The following PACRG variants were observed in gnomAD, a reference collection of about 807,000 sequenced individuals.
The protein encoded by PACRG is parkin coregulated gene protein.
PACRG carries 29 observed loss-of-function variants against 29.7 expected under a neutral mutation model. The observed-to-expected ratio is 0.98, with a 90% confidence interval of 0.73 to 1.33. The LOEUF (loss-of-function observed/expected upper bound fraction) is 1.33, where lower values mean the gene tolerates loss of function less well. Among genes scored for constraint, PACRG ranks in the 40% most tolerant of loss-of-function variants. The pLI, the probability that PACRG is intolerant of heterozygous loss-of-function variation, is 0.00. For synonymous variants in PACRG, 116 were observed against 118.7 expected, an observed-to-expected ratio of 0.98 and a Z score of 0.15; for missense variants, 279 against 316.2, an observed-to-expected ratio of 0.88 and a Z score of 0.89.
chr6:162,746,308 A>C (rs1001415976), intron 1 of PACRG, among the ~76,000 whole-genome samples: 2 of 152,238 alleles, frequency 1.3e-5, no homozygotes, highest in Non-Finnish European at 2.9e-5. Flanking sequence ...TTTAAAATTG[A>C]GTAAAATGAC....
At chr6:162,765,545 G>A (rs538349892) in intron 1 of PACRG, among the ~76,000 whole-genome samples, 10 of 152,270 alleles carry the variant, frequency 6.6e-5, no homozygotes, top group Admixed American at 5.9e-4. Context: ...GAGAGTCAGA[G>A]CTTTCTTGAT....
At chr6:163,088,135 G>A (rs1389949576) in intron 3 of PACRG, among the ~76,000 whole-genome samples, 1 of 152,192 alleles carries the variant, frequency 6.6e-6, no homozygotes, top group East Asian at 1.9e-4. Flanking sequence ...ATGGAAATGT[G>A]AGCTGGAGTT....
intron 2 of PACRG, among the ~76,000 whole-genome samples, chr6:162,995,854 T>C (rs975059117): frequency 6.6e-6 from 1 of 152,238 alleles, no homozygotes; most frequent in African/African-American, 2.4e-5. Context: ...GACATTTAAA[T>C]TGTTTCCATA....
Position 163,172,525 on chromosome 6 carries a change from C to T in PACRG, c.613+83117C>T, listed in dbSNP as rs189868438. Among the ~76,000 whole-genome samples the T allele has an allele frequency of 2.0e-5, 3 of 152,306 alleles. No individual in the cohort carries two copies. The East Asian group carries it at 5.8e-4, about 29-fold the overall frequency. On this transcript the variant is annotated intron_variant, in intron 4 of 4. Transcript: ENST00000366888. ...GCATGCACGCACACATACATACAAC[C>T]TGAGGAGGAGTAAACACTTTTGTGG... is the stretch of plus-strand genomic sequence containing the variant.
chr6:162,804,251 C>G (rs910641342), intron 1 of PACRG, among the ~76,000 whole-genome samples: 1 of 152,138 alleles, frequency 6.6e-6, no homozygotes, highest in Non-Finnish European at 1.5e-5. Flanking sequence ...AACAAATAGA[C>G]AATTTGTAAC....
intron 4 of PACRG, among the ~76,000 whole-genome samples, chr6:163,167,936 T>C (rs1223737096): frequency 1.3e-5 from 2 of 152,238 alleles, no homozygotes; most frequent in East Asian, 3.8e-4. Context: ...ATCATTCAGA[T>C]TGTGGCAGCT....
chr6:162,783,057 C>A (rs570288092), intron 1 of PACRG, among the ~76,000 whole-genome samples: 14 of 151,852 alleles, frequency 9.2e-5, no homozygotes, highest in African/African-American at 3.1e-4. Context: ...TAACACAAAA[C>A]AAAAATCACT....
At chr6:163,309,643 T>C (rs1785331782) in intron 4 of PACRG, among the ~76,000 whole-genome samples, 1 of 152,222 alleles carries the variant, frequency 6.6e-6, no homozygotes, top group Non-Finnish European at 1.5e-5. Context: ...TCAGGTGGTT[T>C]TTAATGGAGT....
At chr6:163,300,241 C>T (rs896793909) in intron 4 of PACRG, among the ~76,000 whole-genome samples, 25 of 152,290 alleles carry the variant, frequency 1.6e-4, no homozygotes, top group African/African-American at 2.6e-4. Flanking sequence ...TCAGTTTACT[C>T]GGCGCTCTCA....
chr6:163,282,584 C>T (rs769873981), intron 4 of PACRG, among the ~76,000 whole-genome samples: 6 of 151,722 alleles, frequency 4.0e-5, no homozygotes, highest in African/African-American at 1.2e-4. Flanking sequence ...TGGTGGTGTG[C>T]GCCTGTAATC....
intron 1 of PACRG, among the ~76,000 whole-genome samples, chr6:162,729,700 G>A (rs1228841860): frequency 2.0e-5 from 3 of 151,386 alleles, no homozygotes; most frequent in African/African-American, 7.3e-5. Flanking sequence ...GTTTTTTAAT[G>A]TTATACTTTA....
chr6:163,112,225 GA>G (rs2128319991), intron 4 of PACRG: 1 of 180,062 alleles, frequency 5.6e-6, no homozygotes, highest in East Asian at 1.9e-4. Context: ...AACATTCACA[GA>G]AAGGCTTAGA....
intron 1 of PACRG, among the ~76,000 whole-genome samples, chr6:162,765,400 C>G (rs1025458260): frequency 3.0e-4 from 46 of 152,204 alleles, no homozygotes; most frequent in African/African-American, 1.1e-3. Flanking sequence ...TCCTCGCCCC[C>G]AACTAAACCC....
intron 4 of PACRG, among the ~76,000 whole-genome samples, chr6:163,211,621 A>G (rs1335408235): frequency 6.6e-6 from 1 of 152,224 alleles, no homozygotes; most frequent in Non-Finnish European, 1.5e-5. Flanking sequence ...AATTGCGCAT[A>G]ATAAAATGAC....
intron 2 of PACRG, among the ~76,000 whole-genome samples, chr6:162,975,773 C>CCTCCCTCCCTTCTTCTCTCCCTTTT (rs1554322685): frequency 1.4e-4 from 21 of 151,458 alleles, no homozygotes; most frequent in Non-Finnish European, 2.8e-4. Flanking sequence ...TTCTTCTCTC[C>CCTCCCTCCCTTCTTCTCTCCCTTTT]CTCCCTTCTT....
At chr6:163,285,054 C>T (rs1173681928) in intron 4 of PACRG, among the ~76,000 whole-genome samples, 1 of 152,168 alleles carries the variant, frequency 6.6e-6, no homozygotes, top group Non-Finnish European at 1.5e-5. Flanking sequence ...CAGTCATGCA[C>T]TGGTCCACTT....
intron 2 of PACRG, among the ~76,000 whole-genome samples, chr6:163,049,137 G>A (rs1203731634): frequency 6.6e-6 from 1 of 152,022 alleles, no homozygotes; most frequent in African/African-American, 2.4e-5. Flanking sequence ...AAACAGTCGT[G>A]ATAATCAGAT....
chr6:163,100,943 T>C (rs961738399), intron 4 of PACRG: 3 of 985,016 alleles, frequency 3.0e-6, no homozygotes, highest in African/African-American at 3.5e-5. Context: ...AGAAGAAAGG[T>C]AAAGATGGCA....
intron 4 of PACRG, among the ~76,000 whole-genome samples, chr6:163,252,334 C>T (rs1335008645): frequency 3.3e-5 from 5 of 152,240 alleles, no homozygotes; most frequent in East Asian, 3.8e-4. Context: ...ACAAGGCAGA[C>T]GCAGGCCCTG....
Sources: gnomAD v4.1 joint callset for allele counts (sites outside exome capture counted in the v4.1 genomes callset) on GRCh38, gnomAD v4.1.1 for gene constraint, MANE v1.5 for transcripts, NCBI Gene and HGNC (gene_info 2026-07-23, HGNC 2026-07-21) for gene names.